The following SEMA3D variants were observed in gnomAD, a reference collection of about 807,000 sequenced individuals.
SEMA3D encodes the protein semaphorin-3D.
A neutral mutation model predicts 100.1 loss-of-function variants in SEMA3D; 84 were observed. The ratio of observed to expected loss-of-function variants is 0.84; its 90% confidence interval spans 0.70 to 1.01. The LOEUF is 1.01. Among genes scored for constraint, SEMA3D ranks in the 50% least tolerant of loss-of-function variants. SEMA3D has a pLI of 0.00. For synonymous variants in SEMA3D, 312 were observed against 320.7 expected, an observed-to-expected ratio of 0.97 and a Z score of 0.29; for missense variants, 875 against 934.1, an observed-to-expected ratio of 0.94 and a Z score of 0.82.
At chr7:85,234,617 T>C in the SEMA3D span, among the ~76,000 whole-genome samples, 1 of 152,160 alleles carries the variant, frequency 6.6e-6, no homozygotes, top group East Asian at 1.9e-4. Flanking sequence ...GAAAAATTTA[T>C]GAAAGGATTA....
chr7:85,231,605 C>T, the SEMA3D span, among the ~76,000 whole-genome samples: 3 of 152,040 alleles, frequency 2.0e-5, no homozygotes, highest in Non-Finnish European at 4.4e-5. Context: ...CGTCTGCCAC[C>T]ACACCCGGCT....
rs543234910 is a variant in SEMA3D, at chr7:85,155,898, T to C, written c.-172-2159A>G. On this transcript the variant is annotated intron_variant, in intron 1 of 18. Coordinates refer to ENST00000284136, the MANE Select transcript of SEMA3D (RefSeq NM_001384900.1). ...ATATGAATGAACAATATGACTTATGTCACACTTACACAATTCCCTTTATTT... is the reference window on the plus strand; with the variant it reads ...ATATGAATGAACAATATGACTTATGCCACACTTACACAATTCCCTTTATTT... Among the ~76,000 whole-genome samples the C allele has an allele frequency of 5.9e-5, 9 of 152,232 alleles. No homozygotes were observed. The East Asian group carries it at 1.2e-3, about 20-fold the overall frequency.
At chr7:85,142,573 A>G (rs1459093235) in intron 2 of SEMA3D, 16 of 984,282 alleles carry the variant, frequency 1.6e-5, no homozygotes, top group Non-Finnish European at 1.9e-5. Flanking sequence ...CAAGAGCAGA[A>G]CGTAGACAAG....
chr7:85,208,800 C>A, the SEMA3D span, among the ~76,000 whole-genome samples: 5 of 151,870 alleles, frequency 3.3e-5, no homozygotes, highest in African/African-American at 1.2e-4. Context: ...CTCTCACACA[C>A]ATTTATGTTT....
At chr7:85,163,591 G>A (rs933352392) in intron 1 of SEMA3D, among the ~76,000 whole-genome samples, 8 of 152,018 alleles carry the variant, frequency 5.3e-5, no homozygotes, top group African/African-American at 4.8e-5. Flanking sequence ...TTAAAGTAAT[G>A]AATAAAGTGA....
chr7:85,080,035 T>C (rs1306655154), intron 5 of SEMA3D, among the ~76,000 whole-genome samples: 1 of 152,158 alleles, frequency 6.6e-6, no homozygotes, highest in Non-Finnish European at 1.5e-5. Flanking sequence ...AAAAACTGTT[T>C]CCCACTGCAT....
At chr7:85,146,988 T>C (rs550902895) in intron 2 of SEMA3D, among the ~76,000 whole-genome samples, 109 of 151,964 alleles carry the variant, frequency 7.2e-4, no homozygotes, top group African/African-American at 2.5e-3. Flanking sequence ...CTCCAGAGAA[T>C]GGGCTCATCT....
chr7:85,148,545 G>T (rs1488967775), intron 2 of SEMA3D, among the ~76,000 whole-genome samples: 1 of 152,104 alleles, frequency 6.6e-6, no homozygotes, highest in African/African-American at 2.4e-5. Context: ...AGTTAACTGG[G>T]TTACTGAAAC....
the SEMA3D span, among the ~76,000 whole-genome samples, chr7:85,246,473 C>A: frequency 6.6e-6 from 1 of 151,608 alleles, no homozygotes; most frequent in Non-Finnish European, 1.5e-5. Context: ...TGTAAATGTG[C>A]CATTTTAATG....
At chr7:85,105,290 C>T (rs112556848) in intron 3 of SEMA3D, among the ~76,000 whole-genome samples, 1,526 of 152,054 alleles carry the variant, frequency 0.01, 26 homozygotes, top group African/African-American at 0.035. Context: ...AAGCTTCTGC[C>T]CATAACTTCC....
At chr7:85,136,611 A>G (rs1789874395) in intron 2 of SEMA3D, among the ~76,000 whole-genome samples, 1 of 152,120 alleles carries the variant, frequency 6.6e-6, no homozygotes, top group Non-Finnish European at 1.5e-5. Context: ...ATATGTTTTT[A>G]TTTAAAATAT....
At chr7:85,004,373 T>A (rs1364445145) in intron 18 of SEMA3D, among the ~76,000 whole-genome samples, 1 of 152,152 alleles carries the variant, frequency 6.6e-6, no homozygotes. Context: ...GAAGATTTTT[T>A]AAAATGTTAT....
In SEMA3D at chr7:85,186,896, GC is replaced by G; in HGVS notation, c.-392del. The G allele has an allele frequency of 6.6e-6, 1 of 152,316 alleles. No individual in the cohort carries two copies. Among genetic ancestry groups the G allele is most frequent in the Non-Finnish European group, 1.5e-5 (1 of 68,130 alleles). 9.4% of individuals were successfully genotyped at this position (152,316 alleles called of 1,614,324 possible). A position where few individuals can be genotyped will look rare whatever the true frequency, so the allele number is the denominator to read the frequency against. On this transcript the variant is annotated 5_prime_UTR_variant, in exon 1 of 19. Coordinates refer to ENST00000284136, the MANE Select transcript of SEMA3D (RefSeq NM_001384900.1). ...AGGCCGGGAGGCAGGGGGCGCTGCT[GC>G]CTCCCCCGAGAGCCGCGCTAGGACA... is the stretch of plus-strand genomic sequence containing the variant.
chr7:85,124,148 A>G (rs1464859312), intron 2 of SEMA3D, among the ~76,000 whole-genome samples: 1 of 152,048 alleles, frequency 6.6e-6, no homozygotes, highest in Non-Finnish European at 1.5e-5. Context: ...TGATCTACAG[A>G]AAAAAATTTA....
chr7:85,142,869 A>G (rs1790097616), intron 2 of SEMA3D: 1 of 985,036 alleles, frequency 1.0e-6, no homozygotes, highest in Non-Finnish European at 1.2e-6. Flanking sequence ...TTTTCTGAAT[A>G]TGTCTTTCTT....
At chr7:85,099,256 T>C (rs965952208) in intron 3 of SEMA3D, among the ~76,000 whole-genome samples, 2 of 151,958 alleles carry the variant, frequency 1.3e-5, no homozygotes, top group South Asian at 2.1e-4. Context: ...TGGGAGATCA[T>C]TGAATCATGG....
At chr7:85,232,157 T>C in the SEMA3D span, among the ~76,000 whole-genome samples, 1 of 151,152 alleles carries the variant, frequency 6.6e-6, no homozygotes, top group Non-Finnish European at 1.5e-5. Flanking sequence ...GAGGAGTGAG[T>C]TGGCCTCAGA....
chr7:85,126,850 AAAGTAGGATTC>A (rs1789585593), intron 2 of SEMA3D, among the ~76,000 whole-genome samples: 1 of 152,150 alleles, frequency 6.6e-6, no homozygotes, highest in Non-Finnish European at 1.5e-5. Context: ...CAATAATATC[AAAGTAGGATTC>A]AAGTGGTATG....
rs569032335 is a variant in SEMA3D at position 85,068,125 on chromosome 7, G to A, written c.589+66C>T. The A allele has an allele frequency of 5.1e-5, 46 of 898,918 alleles. No homozygotes were observed. In the African/African-American group the frequency reaches 5.6e-4, roughly 11 times the overall value. 55.7% of individuals were successfully genotyped at this position (898,918 alleles called of 1,614,324 possible). On this transcript the variant is annotated intron_variant, in intron 7 of 18. Transcript: ENST00000284136. Reference sequence around the variant, plus strand: ...TACCTTTAACTCAATAGGAAAATGCGGTTCAGTCAAAAAATAACTCTTAGA... The same window carrying A: ...TACCTTTAACTCAATAGGAAAATGCAGTTCAGTCAAAAAATAACTCTTAGA...
Sources: gnomAD v4.1 joint callset for allele counts (sites outside exome capture counted in the v4.1 genomes callset) on GRCh38, gnomAD v4.1.1 for gene constraint, MANE v1.5 for transcripts, NCBI Gene and HGNC (gene_info 2026-07-23, HGNC 2026-07-21) for gene names.